ADRA1B: variants seen among roughly 807,000 people sequenced by gnomAD.
ADRA1B encodes the protein alpha-1B adrenergic receptor.
In ADRA1B, 17 loss-of-function variants were observed where a neutral mutation model predicts 17.9. The observed-to-expected ratio is 0.95, with a 90% confidence interval of 0.65 to 1.42. The LOEUF is 1.42. ADRA1B is among the 40% of genes most tolerant of loss of function. The pLI is 0.00. For synonymous variants in ADRA1B, 366 were observed against 327.6 expected (o/e 1.12, Z -1.27); for missense variants, 681 against 722.1 (o/e 0.94, Z 0.65).
the ADRA1B span, among the ~76,000 whole-genome samples, chr5:159,982,392 T>TC: frequency 6.6e-6 from 1 of 151,950 alleles, no homozygotes; most frequent in East Asian, 1.9e-4. Context: ...TTGACTTTTT[T>TC]CCCATCCAAT....
chr5:159,878,111 C>A (rs374464494), intron 1 of ADRA1B, among the ~76,000 whole-genome samples: 1 of 152,182 alleles, frequency 6.6e-6, no homozygotes, highest in African/African-American at 2.4e-5. Flanking sequence ...GACCAAATGC[C>A]GAGGCAGTCT....
chr5:159,883,232 A>T (rs992969913), intron 1 of ADRA1B, among the ~76,000 whole-genome samples: 2 of 152,040 alleles, frequency 1.3e-5, no homozygotes, highest in African/African-American at 4.8e-5. Flanking sequence ...CCTCTTTTCA[A>T]ACTCCCAAGA....
At chr5:159,890,375 G>C (rs549123107) in intron 1 of ADRA1B, among the ~76,000 whole-genome samples, 12 of 152,260 alleles carry the variant, frequency 7.9e-5, no homozygotes, top group African/African-American at 2.6e-4. Context: ...TATTAAATTA[G>C]TCATCTATTG....
At chr5:159,985,236 A>T in the ADRA1B span, among the ~76,000 whole-genome samples, 1 of 152,156 alleles carries the variant, frequency 6.6e-6, no homozygotes, top group African/African-American at 2.4e-5. Flanking sequence ...TCTAAAACAG[A>T]TCATCTGTCA....
chr5:159,970,773 C>A (rs1228917393), intron 1 of ADRA1B, among the ~76,000 whole-genome samples: 1 of 152,172 alleles, frequency 6.6e-6, no homozygotes, highest in Non-Finnish European at 1.5e-5. Context: ...TTTTTGCCAG[C>A]CTATCAGGTA....
At chr5:159,906,101 A>G (rs951560724) in intron 1 of ADRA1B, among the ~76,000 whole-genome samples, 3 of 152,150 alleles carry the variant, frequency 2.0e-5, no homozygotes, top group Non-Finnish European at 4.4e-5. Flanking sequence ...GTGATCTGCC[A>G]GCCTCAGCCT....
intron 1 of ADRA1B, among the ~76,000 whole-genome samples, chr5:159,919,622 CTG>C (rs1754422155): frequency 6.6e-6 from 1 of 152,248 alleles, no homozygotes; most frequent in Admixed American, 6.5e-5. Flanking sequence ...TTCGGTATAA[CTG>C]TGTCTTTTCT....
chr5:159,883,027 G>A (rs77189342), intron 1 of ADRA1B, among the ~76,000 whole-genome samples: 2,566 of 152,200 alleles, frequency 0.017, 63 homozygotes, highest in African/African-American at 0.059. Context: ...CCTCTTTACT[G>A]GCCACTGACA....
intron 1 of ADRA1B, among the ~76,000 whole-genome samples, chr5:159,885,079 G>A (rs750920989): frequency 1.3e-5 from 2 of 152,186 alleles, no homozygotes; most frequent in Non-Finnish European, 2.9e-5. Context: ...CTCATCAGAA[G>A]ATGCAGGGAC....
intron 1 of ADRA1B, chr5:159,868,780 T>A (rs1413475857): frequency 6.6e-6 from 1 of 152,208 alleles, no homozygotes; most frequent in South Asian, 2.1e-4. Flanking sequence ...TCATTATCAG[T>A]TCATACACCT....
the ADRA1B span, among the ~76,000 whole-genome samples, chr5:159,986,580 C>T: frequency 6.6e-6 from 1 of 152,138 alleles, no homozygotes; most frequent in Non-Finnish European, 1.5e-5. Flanking sequence ...AAGAATCACT[C>T]AGTGAGCTGA....
chr5:159,892,968 C>T (rs1445122350), intron 1 of ADRA1B, among the ~76,000 whole-genome samples: 1 of 152,148 alleles, frequency 6.6e-6, no homozygotes. Context: ...AAAATCATTC[C>T]TTTTTCTCCA....
chr5:159,881,303 CTCTCT>C (rs1753860240), intron 1 of ADRA1B, among the ~76,000 whole-genome samples: 2 of 88,378 alleles, frequency 2.3e-5, no homozygotes, highest in African/African-American at 1.1e-4. Flanking sequence ...AGAAAGTTCT[CTCTCT>C]CTCTCTCTCT....
downstream of ADRA1B, among the ~76,000 whole-genome samples, chr5:159,977,362 A>G (rs559913302): frequency 4.6e-4 from 70 of 152,266 alleles, no homozygotes; most frequent in African/African-American, 1.6e-3. Context: ...CCTGGGTGAG[A>G]GGCAGCAGGT....
At chr5:159,945,983 C>G (rs547720784) in intron 1 of ADRA1B, among the ~76,000 whole-genome samples, 20 of 152,152 alleles carry the variant, frequency 1.3e-4, no homozygotes, top group African/African-American at 1.4e-4. Flanking sequence ...TTCTGACCTC[C>G]TGATCCGCCC....
downstream of ADRA1B, among the ~76,000 whole-genome samples, chr5:159,974,049 C>T (rs1276265905): frequency 1.3e-5 from 2 of 152,054 alleles, no homozygotes; most frequent in African/African-American, 2.4e-5. Flanking sequence ...ATCGATCATT[C>T]ATTCTGTAGG....
intron 1 of ADRA1B, among the ~76,000 whole-genome samples, chr5:159,890,836 C>T (rs914706725): frequency 6.6e-6 from 1 of 152,306 alleles, no homozygotes; most frequent in Admixed American, 6.5e-5. Flanking sequence ...CCATCGCCAC[C>T]CTAAAGGTGA....
At position 159,917,752 on chromosome 5, in the gene ADRA1B, CT is replaced by C; in HGVS notation, c.852del (p.Phe284LeufsTer40). 6.2e-7 allele frequency: 1 copy of C among 1,614,140 alleles called. No individual in the cohort carries two copies. Among genetic ancestry groups the C allele is most frequent in the South Asian group, 1.1e-5 (1 of 91,078 alleles). On this transcript the variant is annotated frameshift_variant, in exon 1 of 2. Transcript: ENST00000306675. LOFTEE classifies it high-confidence loss of function. ...HNPRSSIAVK[L>X]FKFSREKKAA... ...CCCCAGGAGTTCCATAGCTGTCAAA[CT>C]TTTTAAGTTCTCCAGGGAAAAGAAA...
intron 1 of ADRA1B, among the ~76,000 whole-genome samples, chr5:159,891,639 T>G (rs2113104345): frequency 6.6e-6 from 1 of 152,288 alleles, no homozygotes; most frequent in Middle Eastern, 3.4e-3. Flanking sequence ...ACTGTGCTTT[T>G]AACCCTCGGG....
Sources: allele counts gnomAD v4.1 joint callset (sites outside exome capture counted in the v4.1 genomes callset), GRCh38; gene constraint gnomAD v4.1.1; transcripts MANE v1.5; gene names NCBI Gene and HGNC (gene_info 2026-07-23, HGNC 2026-07-21).